SLC6A18: variants seen among roughly 807,000 people sequenced by gnomAD.
The protein encoded by SLC6A18 is solute carrier family 6 member 18.
In SLC6A18, 58 loss-of-function variants were observed where a neutral mutation model predicts 62.9. That is an observed-to-expected ratio of 0.92 (90% CI 0.75 to 1.15). The LOEUF is 1.15. Ranked by LOEUF, SLC6A18 falls within the 50% of genes most tolerant of loss-of-function variation. SLC6A18 has a pLI of 0.00. For synonymous variants in SLC6A18, 382 were observed against 365.8 expected (o/e 1.04, Z -0.51); for missense variants, 793 against 836.6 (o/e 0.95, Z 0.64).
chr5:1,234,907 C>A (rs1001566593), intron 3 of SLC6A18, among the ~76,000 whole-genome samples: 1 of 152,230 alleles, frequency 6.6e-6, no homozygotes, highest in Admixed American at 6.5e-5. Context: ...AGGGGCCCCC[C>A]ACATTTCCCC....
In SLC6A18 at chr5:1,240,655, G is replaced by T. The variant is rs1373439615; in HGVS notation, c.970G>T (p.Asp324Tyr). 1 of 1,613,818 alleles carries T rather than the reference G, an allele frequency of 6.2e-7. No homozygotes were observed. The highest frequency in any genetic ancestry group is 8.5e-7 in the Non-Finnish European group (1 of 1,179,978). ...KATNDYEHCL[D>Y]RNILSLINDF... ...AACTAATGACTACGAGCACTGCCTG[G>T]ACAGGTGAGCACAGGTGCCGCGCCT... The change falls in exon 7 of 12, where the codon GAC (aspartate) becomes TAC (tyrosine). Residue 324 changes from aspartate to tyrosine, a missense_variant. By Grantham distance (160) the Asp-to-Tyr change is radical. Coordinates refer to ENST00000324642, the MANE Select transcript of SLC6A18 (RefSeq NM_182632.3).
intron 1 of SLC6A18, among the ~76,000 whole-genome samples, chr5:1,228,284 G>A (rs1425903126): frequency 2.6e-5 from 4 of 152,198 alleles, no homozygotes; most frequent in Non-Finnish European, 1.5e-5. Context: ...ACGCCTTGGA[G>A]GCAGTGCCCA....
intron 3 of SLC6A18, among the ~76,000 whole-genome samples, chr5:1,234,283 C>T (rs1346568070): frequency 2.0e-5 from 3 of 152,238 alleles, no homozygotes; most frequent in Admixed American, 2.0e-4. Flanking sequence ...CTGGATGAGG[C>T]TGGCCTCAGG....
rs1747120701 is a variant in SLC6A18 at position 1,243,472 on chromosome 5, AGT to A, written c.1132-76_1132-75del. The A allele has an allele frequency of 2.0e-6, 3 of 1,473,152 alleles. No individual in the cohort carries two copies. The highest frequency in any genetic ancestry group is 1.7e-5 in the Admixed American group (1 of 58,202). 91.3% of individuals were successfully genotyped at this position (1,473,152 alleles called of 1,614,324 possible). On this transcript the variant is annotated intron_variant, in intron 8 of 11. Coordinates refer to ENST00000324642, the MANE Select transcript of SLC6A18 (RefSeq NM_182632.3). The surrounding 1 kb of genome is among the most constrained non-coding windows in gnomAD (Gnocchi z 6.5). ...TGCACTCGTGTCCTCGGCCTGGGAGAGTGTGTGTCCTGCAGGCAGGCGTGTGT... is the reference window on the plus strand; with the variant it reads ...TGCACTCGTGTCCTCGGCCTGGGAGAGTGTGTCCTGCAGGCAGGCGTGTGT...
chr5:1,233,333 C>T (rs988994476), intron 3 of SLC6A18, among the ~76,000 whole-genome samples: 2 of 152,108 alleles, frequency 1.3e-5, no homozygotes, highest in Non-Finnish European at 2.9e-5. Context: ...CAAAAATCAG[C>T]CAGGCATGGT....
chr5:1,229,198 A>G (rs1362330994), intron 1 of SLC6A18, among the ~76,000 whole-genome samples: 2 of 151,966 alleles, frequency 1.3e-5, no homozygotes, highest in Non-Finnish European at 1.5e-5. Context: ...TGAAGATCCC[A>G]GCTGTGGCCA....
rs1746718189 is a variant in SLC6A18 at position 1,231,033 on chromosome 5, G to A, written c.161-1186G>A. On this transcript the variant is annotated intron_variant, in intron 1 of 11. Transcript: ENST00000324642. Reference sequence around the variant, plus strand: ...GATGCCCATGGAACCAGGAGCCCGGGAGAACCAGCATCCTCCCAGCAGGTC... The same window carrying A: ...GATGCCCATGGAACCAGGAGCCCGGAAGAACCAGCATCCTCCCAGCAGGTC... Among the ~76,000 whole-genome samples the A allele has an allele frequency of 2.0e-5, 3 of 152,332 alleles. No homozygotes were observed. In the South Asian group the frequency reaches 6.2e-4, roughly 32 times the overall value.
In SLC6A18 at chr5:1,246,091, C is replaced by G. The variant is rs752603095; in HGVS notation, c.*13C>G. 1.3e-6 allele frequency: 2 copies of G among 1,487,228 alleles called. No homozygotes were observed. Among genetic ancestry groups the G allele is most frequent in the Non-Finnish European group, 1.8e-6 (2 of 1,117,360 alleles). 92.1% of individuals were successfully genotyped at this position (1,487,228 alleles called of 1,614,324 possible). A position where few individuals can be genotyped will look rare whatever the true frequency, so the allele number is the denominator to read the frequency against. The stretch of plus-strand genomic sequence containing the variant: ...GGACATGCGCTGAAGCCGGCCGGAG[C>G]GGGGCCTGCATGGGCGGGTCTGTGG... On this transcript the variant is annotated 3_prime_UTR_variant, in exon 12 of 12. Coordinates refer to ENST00000324642, the MANE Select transcript of SLC6A18 (RefSeq NM_182632.3).
At chr5:1,235,734 G>T in intron 4 of SLC6A18, 72 bp downstream of exon 4, 1 of 1,505,174 alleles carries the variant, frequency 6.6e-7, no homozygotes, top group African/African-American at 1.4e-5. Context: ...ATTGACCTGT[G>T]TTCGCTTTGT....
At position 1,246,074 on chromosome 5, in the gene SLC6A18, G is replaced by A. The variant is rs763222966; in HGVS notation, c.1883G>A (p.Arg628His). Residue 628 changes from arginine (R) to histidine (H), a missense_variant, in exon 12 of 12, where the codon CGC becomes CAC. Arg to His is a conservative substitution (Grantham distance 29). Transcript: ENST00000324642. Reference protein sequence around the residue: ...DTDMRPDTDMR With the variant: ...DTDMRPDTDMH ...GACATGCGCCCGGACACGGACATGC[G>A]CTGAAGCCGGCCGGAGCGGGGCCTG... The A allele has an allele frequency of 6.4e-6, 10 of 1,573,082 alleles. No individual in the cohort carries two copies. The highest frequency in any genetic ancestry group is 2.3e-5 in the East Asian group (1 of 43,136).
chr5:1,234,874 G>C lies in SLC6A18; in HGVS notation c.440-607G>C, dbSNP rs115948913. ...TGGGCAGTGGCCCGGTCGGGATACC[G>C]GTAATCCTCAGACTTTTCCATGAGG... is the stretch of plus-strand genomic sequence containing the variant. On this transcript the variant is annotated intron_variant, in intron 3 of 11. Transcript: ENST00000324642. 4.6e-5 allele frequency among the ~76,000 whole-genome samples: 7 copies of C among 152,324 alleles called. No homozygotes were observed. In the South Asian group the frequency reaches 1.4e-3, roughly 32 times the overall value.
chr5:1,231,447 C>A (rs913477437), intron 1 of SLC6A18, among the ~76,000 whole-genome samples: 10 of 152,184 alleles, frequency 6.6e-5, no homozygotes, highest in Non-Finnish European at 1.2e-4. Context: ...TCTGAGACAC[C>A]ACTCTCCTGC....
At chr5:1,227,345 C>T (rs113885722) in intron 1 of SLC6A18, among the ~76,000 whole-genome samples, 12 of 149,648 alleles carry the variant, frequency 8.0e-5, no homozygotes, top group South Asian at 2.4e-4. Flanking sequence ...GCCAGCTGCG[C>T]GGGGACTTCA....
At chr5:1,236,669 C>T (rs1746890306) in intron 4 of SLC6A18, among the ~76,000 whole-genome samples, 2 of 152,132 alleles carry the variant, frequency 1.3e-5, no homozygotes, top group South Asian at 4.2e-4. Context: ...GTCCATGCAC[C>T]CTGGACCGTG....
intron 4 of SLC6A18, among the ~76,000 whole-genome samples, chr5:1,237,507 TG>T (rs1490039775): frequency 6.6e-6 from 1 of 150,818 alleles, no homozygotes; most frequent in Non-Finnish European, 1.5e-5. Flanking sequence ...AACTCGAGAG[TG>T]GACAGGAGGG....
intron 6 of SLC6A18, among the ~76,000 whole-genome samples, chr5:1,240,282 G>A (rs1561179616): frequency 1.3e-5 from 2 of 152,254 alleles, no homozygotes; most frequent in Non-Finnish European, 2.9e-5. Flanking sequence ...GGGCCTAAAG[G>A]CCTTGGTGGG....
chr5:1,245,773 T>G, intron 11 of SLC6A18, 75 bp from the exon 12 acceptor site: 1 of 1,450,010 alleles, frequency 6.9e-7, no homozygotes, highest in South Asian at 1.3e-5. Context: ...TCTTGCCCCT[T>G]GGATTGAGGA....
At chr5:1,239,390 AG>A in intron 5 of SLC6A18, 59 bp from the exon 6 acceptor site, 1 of 1,309,254 alleles carries the variant, frequency 7.6e-7, no homozygotes. Flanking sequence ...TGGAACAGTC[AG>A]GGCCACCAGC....
At chr5:1,238,320 A>G (rs6898525) in intron 5 of SLC6A18, among the ~76,000 whole-genome samples, 2,937 of 107,118 alleles carry the variant, frequency 0.027, 50 homozygotes, top group Admixed American at 0.045. Context: ...CAGGAAAGAC[A>G]TCAGGTTTGG....
Sources: allele counts gnomAD v4.1 joint callset (sites outside exome capture counted in the v4.1 genomes callset), GRCh38; gene constraint gnomAD v4.1.1; non-coding constraint Gnocchi (gnomAD v3.1); transcripts MANE v1.5; gene names NCBI Gene and HGNC (gene_info 2026-07-23, HGNC 2026-07-21).